Variants in MYZAP observed in about 807,000 individuals in gnomAD.
MYZAP encodes the protein GRINL1A complex locus upstream.
A neutral mutation model predicts 69.4 loss-of-function variants in MYZAP; 66 were observed. That is an observed-to-expected ratio of 0.95 (90% CI 0.78 to 1.17). The LOEUF (loss-of-function observed/expected upper bound fraction) is 1.17, where lower values mean the gene tolerates loss of function less well. Among genes scored for constraint, MYZAP ranks in the 50% most tolerant of loss-of-function variants. MYZAP has a pLI of 0.00. For missense variants in MYZAP, 611 were observed against 556.2 expected (o/e 1.10, Z -0.99); for synonymous variants, 256 against 205.9 (o/e 1.24, Z -2.09).
rs1352726221 is a variant in MYZAP at position 57,685,296 on chromosome 15, A to C, written c.*798A>C. 1 of 152,216 alleles carries C rather than the reference A, an allele frequency of 6.6e-6. No individual in the cohort carries two copies. Among genetic ancestry groups the C allele is most frequent in the Non-Finnish European group, 1.5e-5 (1 of 68,046 alleles). 9.4% of individuals were successfully genotyped at this position (152,216 alleles called of 1,614,324 possible). A position where few individuals can be genotyped will look rare whatever the true frequency, so the allele number is the denominator to read the frequency against. ...AAACGAATGAATCATCTGTTCATGCATGCTCTACTTTGATATTATAACCTA... is the reference window on the plus strand; with the variant it reads ...AAACGAATGAATCATCTGTTCATGCCTGCTCTACTTTGATATTATAACCTA... On this transcript the variant is annotated 3_prime_UTR_variant, in exon 13 of 13. Transcript: ENST00000267853.
chr15:57,603,491 C>T (rs764779680), intron 1 of MYZAP, among the ~76,000 whole-genome samples: 9 of 152,112 alleles, frequency 5.9e-5, no homozygotes, highest in Non-Finnish European at 8.8e-5. Context: ...ACTAACTTTC[C>T]CTGTATCCTT....
chr15:57,648,178 A>G, intron 10 of MYZAP: 1 of 985,230 alleles, frequency 1.0e-6, no homozygotes, highest in Non-Finnish European at 1.2e-6. Flanking sequence ...AGGTATCAGC[A>G]CAATTGTGGC....
chr15:57,656,580 G>A (rs1029519508), intron 10 of MYZAP, among the ~76,000 whole-genome samples: 6 of 152,188 alleles, frequency 3.9e-5, no homozygotes, highest in Non-Finnish European at 8.8e-5. Flanking sequence ...GAGCATGTGA[G>A]TCTATTTATT....
intron 1 of MYZAP, among the ~76,000 whole-genome samples, chr15:57,598,117 C>G (rs1388001641): frequency 6.6e-6 from 1 of 152,158 alleles, no homozygotes; most frequent in Non-Finnish European, 1.5e-5. Flanking sequence ...ATATTTTTCC[C>G]CTGGGTGAGC....
intron 10 of MYZAP, among the ~76,000 whole-genome samples, chr15:57,650,118 G>C (rs1308577821): frequency 6.6e-6 from 1 of 152,038 alleles, no homozygotes; most frequent in African/African-American, 2.4e-5. Flanking sequence ...TTTATTTTTG[G>C]CTCACGGAAA....
At chr15:57,654,304 G>C (rs536178747) in intron 10 of MYZAP, among the ~76,000 whole-genome samples, 1 of 151,926 alleles carries the variant, frequency 6.6e-6, no homozygotes, top group African/African-American at 2.4e-5. Context: ...TTGTTTCAGC[G>C]GGAAACTCCT....
At chr15:57,648,154 T>C in intron 10 of MYZAP, 1 of 983,014 alleles carries the variant, frequency 1.0e-6, no homozygotes, top group Non-Finnish European at 1.2e-6. Context: ...TTATCTAAAA[T>C]GTCAATTTTT....
At chr15:57,608,682 A>G (rs770082656) in intron 2 of MYZAP, among the ~76,000 whole-genome samples, 2 of 152,222 alleles carry the variant, frequency 1.3e-5, no homozygotes, top group African/African-American at 2.4e-5. Context: ...GGTTTATAAT[A>G]TGGATTAAAG....
chr15:57,632,604 G>A, intron 7 of MYZAP, 45 bp downstream of exon 7: 3 of 1,609,724 alleles, frequency 1.9e-6, no homozygotes, highest in Non-Finnish European at 2.5e-6. Context: ...GGGAATTGTT[G>A]GTTCATTATT....
At chr15:57,628,445 T>A (rs182006344) in intron 5 of MYZAP, among the ~76,000 whole-genome samples, 2,001 of 151,876 alleles carry the variant, frequency 0.013, 27 homozygotes, top group Non-Finnish European at 0.019. Flanking sequence ...GGTTTTTAAA[T>A]TTTTTTTGTA....
rs535319901 is a variant in MYZAP at position 57,624,183 on chromosome 15, T to A, written c.412-1596T>A. Among the ~76,000 whole-genome samples, 8 of 152,312 alleles carry A rather than the reference T, an allele frequency of 5.3e-5. No homozygotes were observed. The East Asian group carries it at 5.8e-4, about 11-fold the overall frequency. On this transcript the variant is annotated intron_variant, in intron 4 of 12. Transcript: ENST00000267853. Reference sequence around the variant, plus strand: ...AGCCAAGCTAATGCTTGTAGACATTTAAAAAAATTTATTATTAATATTCCC... The same window carrying A: ...AGCCAAGCTAATGCTTGTAGACATTAAAAAAAATTTATTATTAATATTCCC...
chr15:57,604,450 G>A (rs1205329092), intron 2 of MYZAP, 95 bp downstream of exon 2: 5 of 1,388,098 alleles, frequency 3.6e-6, no homozygotes, highest in Admixed American at 3.7e-5. Flanking sequence ...CCAGAGGCTG[G>A]GTGTCTGCAC....
At chr15:57,592,883 C>T (rs1372730410) in intron 1 of MYZAP, among the ~76,000 whole-genome samples, 1 of 152,152 alleles carries the variant, frequency 6.6e-6, no homozygotes, top group Non-Finnish European at 1.5e-5. Context: ...TTCCATTTAT[C>T]ATGATGTTCA....
intron 11 of MYZAP, among the ~76,000 whole-genome samples, chr15:57,662,834 T>C (rs1269763991): frequency 6.6e-6 from 1 of 152,220 alleles, no homozygotes; most frequent in African/African-American, 2.4e-5. Context: ...AGCCTTCTTT[T>C]ACTCTGTTTT....
chr15:57,684,049 C>T (rs1186716214), intron 12 of MYZAP, among the ~76,000 whole-genome samples: 1 of 152,124 alleles, frequency 6.6e-6, no homozygotes, highest in African/African-American at 2.4e-5. Flanking sequence ...CTGCCTCGGC[C>T]TTCCAAAGTG....
intron 8 of MYZAP, 32 bp from the exon 9 acceptor site, chr15:57,637,663 T>C (rs375478526): frequency 1.9e-6 from 3 of 1,604,232 alleles, no homozygotes; most frequent in East Asian, 2.2e-5. Flanking sequence ...TTGGGATCCA[T>C]TGATTAAAAT....
At chr15:57,650,825 A>G (rs2037688529) in intron 10 of MYZAP, among the ~76,000 whole-genome samples, 1 of 152,220 alleles carries the variant, frequency 6.6e-6, no homozygotes, top group South Asian at 2.1e-4. Context: ...AAGATATAGA[A>G]TAAATAAAAG....
chr15:57,673,384 A>G (rs567610754), intron 11 of MYZAP, among the ~76,000 whole-genome samples: 1 of 151,814 alleles, frequency 6.6e-6, no homozygotes, highest in Non-Finnish European at 1.5e-5. Context: ...TATAAATTGG[A>G]GAGTTCAGAC....
chr15:57,618,310 T>C, intron 3 of MYZAP, 122 bp downstream of exon 3: 1 of 1,429,760 alleles, frequency 7.0e-7, no homozygotes, highest in Non-Finnish European at 9.3e-7. Context: ...AGTGTTATCA[T>C]TTTGGCTGGA....
Sources: allele counts gnomAD v4.1 joint callset (sites outside exome capture counted in the v4.1 genomes callset), GRCh38; gene constraint gnomAD v4.1.1; transcripts MANE v1.5; gene names NCBI Gene and HGNC (gene_info 2026-07-23, HGNC 2026-07-21).